The following NRXN1 variants were observed in gnomAD, a reference collection of about 807,000 sequenced individuals.
The protein encoded by NRXN1 is neurexin-1.
NRXN1 carries 39 observed loss-of-function variants against 150.9 expected under a neutral mutation model. That is an observed-to-expected ratio of 0.26 (90% confidence interval 0.20 to 0.34). The LOEUF is 0.34. NRXN1 is among the 10% of genes least tolerant of loss of function. NRXN1 has a pLI of 1.00. For synonymous variants in NRXN1, 924 were observed against 757.0 expected (o/e 1.22, Z -3.62); for missense variants, 1,815 against 1,949.9 (o/e 0.93, Z 1.30).
At chr2:50,452,934 G>A (rs1426273116) in intron 17 of NRXN1, among the ~76,000 whole-genome samples, 1 of 152,152 alleles carries the variant, frequency 6.6e-6, no homozygotes, top group East Asian at 1.9e-4. Context: ...CATGAATAAT[G>A]AGAACAGGAA....
intron 21 of NRXN1, among the ~76,000 whole-genome samples, chr2:50,019,663 G>A (rs867778812): frequency 4.8e-5 from 2 of 42,054 alleles, no homozygotes; most frequent in East Asian, 6.7e-4. Flanking sequence ...AAAAAAAAAG[G>A]AGGCTGGGCG....
intron 2 of NRXN1, among the ~76,000 whole-genome samples, chr2:50,965,688 T>A (rs1414899172): frequency 6.6e-6 from 1 of 151,500 alleles, no homozygotes; most frequent in Non-Finnish European, 1.5e-5. Context: ...TAGGTAAAAC[T>A]CACGGTTTTA....
In NRXN1 at chr2:50,532,366, AGAAATAT is replaced by A. The variant is rs1313650518; in HGVS notation, c.2144-943_2144-937del. Among the ~76,000 whole-genome samples the A allele has an allele frequency of 8.8e-5, 12 of 136,744 alleles. No individual in the cohort carries two copies. The South Asian group carries it at 1.5e-3, about 18-fold the overall frequency. The allele number at this position is 136,744 out of a possible 152,430, so 89.7% of individuals were successfully genotyped here. ...GAATTATTTTTAAAAGAAAAAAAAAAGAAATATAGCTTAACTATAGGAACTAGGCCAA... is the reference window on the plus strand; with the variant it reads ...GAATTATTTTTAAAAGAAAAAAAAAAAGCTTAACTATAGGAACTAGGCCAA... On this transcript the variant is annotated intron_variant, in intron 10 of 22. Transcript: ENST00000401669.
At chr2:50,083,941 T>C (rs1426658921) in intron 19 of NRXN1, among the ~76,000 whole-genome samples, 3 of 152,096 alleles carry the variant, frequency 2.0e-5, no homozygotes, top group Admixed American at 2.0e-4. Context: ...GAGCGCAGAT[T>C]GGTGCATTTA....
At chr2:50,922,482 C>G (rs935364170) in intron 4 of NRXN1, 176 bp downstream of exon 4, 1 of 726,350 alleles carries the variant, frequency 1.4e-6, no homozygotes, top group Non-Finnish European at 2.4e-6. Context: ...AAACCAAAAT[C>G]AAACGAACAA....
intron 5 of NRXN1, among the ~76,000 whole-genome samples, chr2:50,892,463 T>C (rs1681211963): frequency 6.6e-6 from 1 of 152,124 alleles, no homozygotes; most frequent in South Asian, 2.1e-4. Flanking sequence ...TGTTTTTCCA[T>C]TCAAAAAATA....
At chr2:50,998,895 T>G (rs1699673477) in intron 2 of NRXN1, among the ~76,000 whole-genome samples, 1 of 152,076 alleles carries the variant, frequency 6.6e-6, no homozygotes, top group Non-Finnish European at 1.5e-5. Flanking sequence ...TGAGATTCAA[T>G]TAGCCCAATG....
intron 22 of NRXN1, among the ~76,000 whole-genome samples, chr2:49,926,981 T>C (rs1488593337): frequency 6.6e-6 from 1 of 152,190 alleles, no homozygotes; most frequent in Non-Finnish European, 1.5e-5. Context: ...CCTTCTTTAT[T>C]GCCTCTGTGC....
At chr2:50,720,018 C>T (rs754304195) in intron 5 of NRXN1, among the ~76,000 whole-genome samples, 7 of 152,086 alleles carry the variant, frequency 4.6e-5, no homozygotes, top group Non-Finnish European at 1.0e-4. Flanking sequence ...GTTTAAAGAA[C>T]AAATTACAAA....
intron 21 of NRXN1, among the ~76,000 whole-genome samples, chr2:50,039,309 T>A (rs1232469369): frequency 6.6e-6 from 1 of 151,856 alleles, no homozygotes; most frequent in African/African-American, 2.4e-5. Context: ...CTACTAAAAA[T>A]ACAAAAATCA....
chr2:50,556,504 AT>A (rs558387581), intron 8 of NRXN1, among the ~76,000 whole-genome samples: 11,520 of 133,992 alleles, frequency 0.086, 485 homozygotes, highest in South Asian at 0.19. Context: ...GGGGACATTG[AT>A]TTTTTTTTTT....
At chr2:50,823,553 T>A (rs1390529523) in intron 5 of NRXN1, among the ~76,000 whole-genome samples, 1 of 152,150 alleles carries the variant, frequency 6.6e-6, no homozygotes, top group African/African-American at 2.4e-5. Flanking sequence ...GCTTTTTCTA[T>A]GAATTAATGT....
intron 8 of NRXN1, among the ~76,000 whole-genome samples, chr2:50,590,645 A>T (rs1314349546): frequency 2.0e-5 from 3 of 152,154 alleles, no homozygotes; most frequent in South Asian, 4.1e-4. Flanking sequence ...AGACTCATGA[A>T]TGTGATTAGT....
chr2:50,462,347 G>A (rs1207340822), intron 17 of NRXN1, among the ~76,000 whole-genome samples: 1 of 151,758 alleles, frequency 6.6e-6, no homozygotes, highest in African/African-American at 2.4e-5. Context: ...AAAAAATATT[G>A]CCTCTGGTTA....
rs1376772843 is a variant in NRXN1, at chr2:50,921,894, G to A, written c.821-14C>T. 2 of 1,396,740 alleles carry A rather than the reference G, an allele frequency of 1.4e-6. No homozygotes were observed. The highest frequency in any genetic ancestry group is 1.9e-6 in the Non-Finnish European group (2 of 1,045,132). The allele number at this position is 1,396,740 out of a possible 1,614,324, so 86.5% of individuals were successfully genotyped here. On this transcript the variant is annotated splice_polypyrimidine_tract_variant and intron_variant, in intron 4 of 22. Coordinates refer to ENST00000401669, the MANE Select transcript of NRXN1 (RefSeq NM_001330078.2). ...CTTTACTTTTACCTATGGATTTGAT[G>A]AAATGGGTCCATGAAGAAAGGGTTT...
At chr2:50,278,469 C>A (rs1012931439) in intron 17 of NRXN1, among the ~76,000 whole-genome samples, 6 of 150,002 alleles carry the variant, frequency 4.0e-5, no homozygotes, top group Non-Finnish European at 8.9e-5. Context: ...ATAGATAGTA[C>A]CTTTAAAAAC....
chr2:50,638,345 T>C (rs11678827), intron 5 of NRXN1, among the ~76,000 whole-genome samples: 9,513 of 152,274 alleles, frequency 0.062, 320 homozygotes, highest in Middle Eastern at 0.095. Flanking sequence ...TTGCTTTTAA[T>C]TTTTGTTAAA....
intron 17 of NRXN1, among the ~76,000 whole-genome samples, chr2:50,349,394 G>A (rs537814928): frequency 2.6e-5 from 4 of 152,264 alleles, no homozygotes; most frequent in East Asian, 1.9e-4. Flanking sequence ...ACTAACAAGA[G>A]TCGTGATTAT....
At chr2:50,694,397 C>T (rs898018852) in intron 5 of NRXN1, among the ~76,000 whole-genome samples, 23 of 152,008 alleles carry the variant, frequency 1.5e-4, no homozygotes, top group Non-Finnish European at 4.4e-5. Flanking sequence ...GGAATTAAAC[C>T]ATAAATCAGT....
Sources: gnomAD v4.1 joint callset for allele counts (sites outside exome capture counted in the v4.1 genomes callset) on GRCh38, gnomAD v4.1.1 for gene constraint, MANE v1.5 for transcripts, NCBI Gene and HGNC (gene_info 2026-07-23, HGNC 2026-07-21) for gene names.